The following ACTR5 variants were observed in gnomAD, a reference collection of about 807,000 sequenced individuals.
ACTR5 encodes actin related protein 5, also known as actin-related protein 5.
In ACTR5, 43 loss-of-function variants were observed where a neutral mutation model predicts 61.2. The observed-to-expected ratio is 0.70, with a 90% CI of 0.55 to 0.91. ACTR5 has a LOEUF of 0.91. Among genes scored for constraint, ACTR5 ranks in the 40% least tolerant of loss-of-function variants. The pLI is 0.00. For missense variants in ACTR5, 798 were observed against 782.2 expected (o/e 1.02, Z -0.24); for synonymous variants, 333 against 310.5 (o/e 1.07, Z -0.76).
chr20:38,753,182 C>T (rs573464969), intron 3 of ACTR5, among the ~76,000 whole-genome samples: 117 of 152,224 alleles, frequency 7.7e-4, no homozygotes, highest in African/African-American at 2.7e-3. Context: ...CTTCTCTGTT[C>T]TCCAGTTGCT....
At chr20:38,751,395 C>G (rs1027702172) in intron 2 of ACTR5, among the ~76,000 whole-genome samples, 1 of 152,100 alleles carries the variant, frequency 6.6e-6, no homozygotes, top group Non-Finnish European at 1.5e-5. Context: ...TTAGGTGTTA[C>G]CAAATGCTCC....
chr20:38,767,853 C>T (rs1023107180), intron 8 of ACTR5, among the ~76,000 whole-genome samples: 1 of 152,088 alleles, frequency 6.6e-6, no homozygotes, highest in Admixed American at 6.5e-5. Context: ...ATAAGTCATT[C>T]TCCTACCCAG....
At chr20:38,762,816 G>T (rs1180160307) in intron 5 of ACTR5, among the ~76,000 whole-genome samples, 1 of 152,164 alleles carries the variant, frequency 6.6e-6, no homozygotes, top group Non-Finnish European at 1.5e-5. Context: ...AGAGAGGAAG[G>T]ACTCCAGTGG....
rs1354984780 is a variant in ACTR5, at chr20:38,748,555, A to G, written c.77A>G (p.His26Arg). 2.6e-6 allele frequency: 4 copies of G among 1,513,358 alleles called. No individual in the cohort carries two copies. In the East Asian group the frequency reaches 1.1e-4, roughly 41 times the overall value. 93.7% of individuals were successfully genotyped at this position (1,513,358 alleles called of 1,614,324 possible). Residue 26 changes from histidine to arginine, a missense_variant, in exon 1 of 9, where the codon CAC becomes CGC. Transcript: ENST00000243903. ...DPVLEAGPVA[H>R]GPLPVPLVLD... is the part of the protein sequence containing the mutation. ...GTGCTGGAGGCCGGCCCGGTGGCAC[A>G]CGGGCCACTGCCGGTACCGCTGGTG...
At chr20:38,769,887 G>A (rs542767413) in intron 8 of ACTR5, among the ~76,000 whole-genome samples, 2 of 152,294 alleles carry the variant, frequency 1.3e-5, no homozygotes, top group South Asian at 2.1e-4. Flanking sequence ...GGGGGTGACA[G>A]TAAGGGGCAT....
chr20:38,756,667 G>A (rs2084422012), intron 5 of ACTR5, among the ~76,000 whole-genome samples: 2 of 152,232 alleles, frequency 1.3e-5, no homozygotes, highest in African/African-American at 4.8e-5. Context: ...CACTTTGGAA[G>A]TCCCAGGCAG....
At chr20:38,755,273 T>C in intron 4 of ACTR5, 99 bp downstream of exon 4, 9 of 1,318,068 alleles carry the variant, frequency 6.8e-6, no homozygotes, top group Non-Finnish European at 9.2e-6. Context: ...ATGCTTTGAC[T>C]GTTTGTCACC....
At chr20:38,762,432 A>G (rs1414243754) in intron 5 of ACTR5, among the ~76,000 whole-genome samples, 2 of 152,256 alleles carry the variant, frequency 1.3e-5, no homozygotes, top group African/African-American at 4.8e-5. Context: ...TGTTGGTTGT[A>G]GTCCTCACAG....
At chr20:38,748,925 C>T (rs2084369631) in intron 1 of ACTR5, 72 bp downstream of exon 1, 23 of 1,507,072 alleles carry the variant, frequency 1.5e-5, no homozygotes, top group Admixed American at 2.1e-5. Flanking sequence ...GCTCACTCTG[C>T]TCTCGGAGAG....
intron 5 of ACTR5, among the ~76,000 whole-genome samples, chr20:38,761,227 TC>T (rs2084452208): frequency 6.6e-6 from 1 of 152,152 alleles, no homozygotes; most frequent in Admixed American, 6.5e-5. Context: ...GGCCCTGAGC[TC>T]CTTATCTTTA....
intron 5 of ACTR5, among the ~76,000 whole-genome samples, chr20:38,756,526 TATTAGTTG>T (rs2084421065): frequency 6.6e-6 from 1 of 152,238 alleles, no homozygotes; most frequent in Admixed American, 6.5e-5. Flanking sequence ...ATCAGCCTTT[TATTAGTTG>T]CTAAAGACCC....
In ACTR5 at chr20:38,750,100, T is replaced by C. The variant is rs2084377395; in HGVS notation, c.466T>C (p.Tyr156His). Reference sequence around the variant, plus strand: ...GATGTCTGAGCTTCTTTTTGAGTGCTACGGGATTCCCAAGGTTGCCTATGG... The same window carrying C: ...GATGTCTGAGCTTCTTTTTGAGTGCCACGGGATTCCCAAGGTTGCCTATGG... The part of the protein sequence containing the change: ...QMMSELLFEC[Y>H]GIPKVAYGID... Residue 156 changes from tyrosine to histidine, a missense_variant, in exon 2 of 9, where the codon TAC becomes CAC. Coordinates refer to ENST00000243903, the MANE Select transcript of ACTR5 (RefSeq NM_024855.4). The C allele has an allele frequency of 3.1e-6, 5 of 1,614,232 alleles. No individual in the cohort carries two copies. The highest frequency in any genetic ancestry group is 4.2e-6 in the Non-Finnish European group (5 of 1,180,030).
chr20:38,758,331 T>G (rs2084432481), intron 5 of ACTR5, among the ~76,000 whole-genome samples: 1 of 152,120 alleles, frequency 6.6e-6, no homozygotes, highest in African/African-American at 2.4e-5. Flanking sequence ...CTGCAAAAGA[T>G]TTTTCTATAT....
At chr20:38,760,025 C>T (rs764397048) in intron 5 of ACTR5, among the ~76,000 whole-genome samples, 1 of 151,030 alleles carries the variant, frequency 6.6e-6, no homozygotes, top group Non-Finnish European at 1.5e-5. Flanking sequence ...ATTAGCTGGG[C>T]ATGCATCTGT....
intron 6 of ACTR5, among the ~76,000 whole-genome samples, chr20:38,765,740 A>T (rs146011258): frequency 5.3e-4 from 81 of 152,334 alleles, no homozygotes; most frequent in African/African-American, 1.9e-3. Flanking sequence ...ACCCGGCAGA[A>T]ACATTTGGTA....
Position 38,771,788 on chromosome 20 carries a change from G to T in ACTR5, c.1796G>T (p.Gly599Val), listed in dbSNP as rs781478773. Reference protein sequence around the residue: ...AQASSKGSAAGGGGAGEQA With the variant: ...AQASSKGSAAVGGGAGEQA ...GCATCCAGCAAGGGCTCCGCTGCTG[G>T]TGGAGGTGGTGCTGGTGAGCAGGCA... The change falls in exon 9 of 9, where the codon GGT becomes GTT. Residue 599 changes from glycine (G) to valine (V), a missense_variant. Transcript: ENST00000243903. 1 of 1,613,122 alleles carries T rather than the reference G, an allele frequency of 6.2e-7. No homozygotes were observed. Among genetic ancestry groups the T allele is most frequent in the East Asian group, 2.2e-5 (1 of 44,876 alleles).
At position 38,753,391 on chromosome 20, in the gene ACTR5, C is replaced by A. The variant is rs1161864744; in HGVS notation, c.775+1091C>A. Among the ~76,000 whole-genome samples the A allele has an allele frequency of 2.0e-5, 3 of 150,880 alleles. No homozygotes were observed. In the East Asian group the frequency reaches 5.8e-4, roughly 29 times the overall value. On this transcript the variant is annotated intron_variant, in intron 3 of 8. Coordinates refer to ENST00000243903, the MANE Select transcript of ACTR5 (RefSeq NM_024855.4). ...AACAGGAACAAACTACTGATACACT[C>A]AACAACTTGAATGAATCTCAAAGGC... is the stretch of plus-strand genomic sequence containing the variant.
intron 6 of ACTR5, among the ~76,000 whole-genome samples, 191 bp from the exon 7 acceptor site, chr20:38,766,047 C>T (rs1051941925): frequency 2.0e-5 from 3 of 152,104 alleles, no homozygotes; most frequent in African/African-American, 4.8e-5. Flanking sequence ...GAAACATGTA[C>T]ATGTTTATAA....
At chr20:38,754,746 G>T (rs570787664) in intron 3 of ACTR5, among the ~76,000 whole-genome samples, 1 of 151,852 alleles carries the variant, frequency 6.6e-6, no homozygotes, top group African/African-American at 2.4e-5. Flanking sequence ...CCGCCACCAC[G>T]CATGGCTAAT....
Sources: gnomAD v4.1 joint callset for allele counts (sites outside exome capture counted in the v4.1 genomes callset) on GRCh38, gnomAD v4.1.1 for gene constraint, MANE v1.5 for transcripts, NCBI Gene and HGNC (gene_info 2026-07-23, HGNC 2026-07-21) for gene names.